The following TWF1 variants were observed in gnomAD, a reference collection of about 807,000 sequenced individuals.
The protein encoded by TWF1 is twinfilin-1.
A neutral mutation model predicts 47.9 loss-of-function variants in TWF1; 14 were observed. The observed-to-expected ratio is 0.29, with a 90% CI of 0.19 to 0.46. The LOEUF (loss-of-function observed/expected upper bound fraction) is 0.46. Among genes scored for constraint, TWF1 ranks in the 20% least tolerant of loss-of-function variants. The pLI, the probability that TWF1 is intolerant of heterozygous loss-of-function variation, is 1.00. For missense variants in TWF1, 281 were observed against 409.3 expected (o/e 0.69, Z 2.70); for synonymous variants, 96 against 139.2 (o/e 0.69, Z 2.18).
chr12:43,805,200 A>G (rs745846947), intron 1 of TWF1, among the ~76,000 whole-genome samples: 3 of 152,224 alleles, frequency 2.0e-5, no homozygotes, highest in South Asian at 2.1e-4. Context: ...TGTGTTGTCT[A>G]TTAGCAGCAA....
At position 43,795,739 on chromosome 12, in the gene TWF1, C is replaced by T; in HGVS notation, c.899G>A (p.Gly300Glu). Residue 300 changes from glycine to glutamate, a missense_variant, in exon 9 of 9, where the codon GGG becomes GAG. Transcript: ENST00000395510. ...AAGGAAGTCTGCAGTCAACTCATCC[C>T]CATTGTCTATCTCGATCTGTAAAAG... ...DVIRKIEIDNGDELTADFLYE... is the reference protein window; with the variant it reads ...DVIRKIEIDNEDELTADFLYE... 1 of 1,613,734 alleles carries T rather than the reference C, an allele frequency of 6.2e-7. No individual in the cohort carries two copies. Among genetic ancestry groups the T allele is most frequent in the Non-Finnish European group, 8.5e-7 (1 of 1,179,788 alleles).
In TWF1 at chr12:43,795,565, C is replaced by A. The variant is rs1942533745; in HGVS notation, c.*20G>T. On this transcript the variant is annotated 3_prime_UTR_variant, in exon 9 of 9. Coordinates refer to ENST00000395510, the MANE Select transcript of TWF1 (RefSeq NM_002822.5). ...CTGGACTTTTAAAAAACTAGTATTA[C>A]AATGTTTAATGTGATGACTTTAATC... 3 of 1,603,746 alleles carry A rather than the reference C, an allele frequency of 1.9e-6. No homozygotes were observed. The highest frequency in any genetic ancestry group is 1.3e-5 in the African/African-American group (1 of 74,340).
chr12:43,798,104 A>G (rs1942588747), intron 5 of TWF1, among the ~76,000 whole-genome samples: 1 of 152,124 alleles, frequency 6.6e-6, no homozygotes, highest in South Asian at 2.1e-4. Context: ...GGTTTGGCAC[A>G]ATTTCTTTAG....
At chr12:43,797,951 A>T (rs1193469205) in intron 5 of TWF1, 118 bp from the exon 6 acceptor site, 4 of 1,080,270 alleles carry the variant, frequency 3.7e-6, no homozygotes, top group Non-Finnish European at 5.2e-6. Context: ...CTATAATTAA[A>T]ATTATTTTTC....
chr12:43,806,127 G>C lies in TWF1; in HGVS notation c.25+94C>G, dbSNP rs746586860. The C allele has an allele frequency of 2.6e-6, 4 of 1,527,066 alleles. No homozygotes were observed. The African/African-American group carries it at 4.1e-5, about 16-fold the overall frequency. The allele number at this position is 1,527,066 out of a possible 1,614,324, so 94.6% of individuals were successfully genotyped here. A position where few individuals can be genotyped will look rare whatever the true frequency, so the allele number is the denominator to read the frequency against. ...CGCGAGACCGACTTCCGGAGCTCCCGGCCCGACTCCAGCCCTGCCGGTCCT... is the reference window on the plus strand; with the variant it reads ...CGCGAGACCGACTTCCGGAGCTCCCCGCCCGACTCCAGCCCTGCCGGTCCT... On this transcript the variant is annotated intron_variant, in intron 1 of 8. Transcript: ENST00000395510.
chr12:43,805,453 T>C (rs1238366073), intron 1 of TWF1: 5 of 434,006 alleles, frequency 1.2e-5, no homozygotes, highest in Non-Finnish European at 2.3e-5. Flanking sequence ...AGCTTGAGTT[T>C]ACACTAGAAC....
chr12:43,795,461 G>A lies in TWF1; in HGVS notation c.*124C>T, dbSNP rs1942531835. ...TTTTAAAAACACACAGAAGTGAAAA[G>A]TGCTATTTTCCAAAAAGTACAATTT... On this transcript the variant is annotated 3_prime_UTR_variant, in exon 9 of 9. Transcript: ENST00000395510. 1 of 787,098 alleles carries A rather than the reference G, an allele frequency of 1.3e-6. No homozygotes were observed. Among genetic ancestry groups the A allele is most frequent in the African/African-American group, 1.7e-5 (1 of 57,596 alleles). 48.8% of individuals were successfully genotyped at this position (787,098 alleles called of 1,614,324 possible). A position where few individuals can be genotyped will look rare whatever the true frequency, so the allele number is the denominator to read the frequency against.
intron 3 of TWF1, among the ~76,000 whole-genome samples, 181 bp from the exon 4 acceptor site, chr12:43,800,711 A>T (rs938091536): frequency 6.6e-6 from 1 of 152,202 alleles, no homozygotes; most frequent in African/African-American, 2.4e-5. Flanking sequence ...GGGCATCTAA[A>T]CTATCAATGG....
At chr12:43,797,581 C>T (rs2138131372) in intron 6 of TWF1, 127 bp downstream of exon 6, 10 of 1,417,954 alleles carry the variant, frequency 7.1e-6, no homozygotes, top group Non-Finnish European at 9.5e-6. Flanking sequence ...TCACAATGAA[C>T]ATTTACAAAA....
chr12:43,797,796 G>A lies in TWF1; in HGVS notation c.521C>T (p.Thr174Ile). ...AATGGGAAATGCTACTCCTTGTAGT[G>A]TTTGATGCTTAGTGTCCACACCCAC... ...TDVGVDTKHQ[T>I]LQGVAFPISR... The change falls in exon 6 of 9, where the codon ACA (threonine) becomes ATA (isoleucine). Residue 174 changes from threonine to isoleucine, a missense_variant. Thr to Ile is a moderately conservative substitution (Grantham distance 89). Coordinates refer to ENST00000395510, the MANE Select transcript of TWF1 (RefSeq NM_002822.5). 1 of 1,613,302 alleles carries A rather than the reference G, an allele frequency of 6.2e-7. No individual in the cohort carries two copies. The highest frequency in any genetic ancestry group is 8.5e-7 in the Non-Finnish European group (1 of 1,179,440).
chr12:43,799,407 T>C lies in TWF1; in HGVS notation c.474A>G (p.Lys158=). ...TAAEEELRQI[K]INEVQTDVGV... ...TGTAGTTGTAACTTACCTCATTGAT[T>C]TTAATCTGTCGTAGTTCTTCCTCAG... Residue 158 remains lysine (K), a synonymous_variant, in exon 5 of 9, where the codon AAA becomes AAG. Coordinates refer to ENST00000395510, the MANE Select transcript of TWF1 (RefSeq NM_002822.5). 6.2e-7 allele frequency: 1 copy of C among 1,604,006 alleles called. No individual in the cohort carries two copies. Among genetic ancestry groups the C allele is most frequent in the Non-Finnish European group, 8.5e-7 (1 of 1,174,834 alleles).
intron 3 of TWF1, among the ~76,000 whole-genome samples, chr12:43,801,845 C>T (rs1942667341): frequency 6.6e-6 from 1 of 152,108 alleles, no homozygotes; most frequent in African/African-American, 2.4e-5. Context: ...GCCTGGGCAA[C>T]ACAGTGAAAC....
In TWF1 at chr12:43,803,868, G is replaced by C. The variant is rs200647713; in HGVS notation, c.103+627C>G. The stretch of plus-strand genomic sequence containing the variant: ...CAGATATTTAAGAAATTAGGCCACT[G>C]GAATATTTTAATATATTCATTTATG... On this transcript the variant is annotated intron_variant, in intron 2 of 8. Coordinates refer to ENST00000395510, the MANE Select transcript of TWF1 (RefSeq NM_002822.5). 2.0e-5 allele frequency among the ~76,000 whole-genome samples: 3 copies of C among 151,920 alleles called. No individual in the cohort carries two copies. The East Asian group carries it at 5.8e-4, about 29-fold the overall frequency.
intron 4 of TWF1, among the ~76,000 whole-genome samples, chr12:43,800,117 TAAAC>T (rs1042900154): frequency 2.6e-5 from 4 of 152,248 alleles, no homozygotes; most frequent in African/African-American, 9.6e-5. Flanking sequence ...AGAAAAGCTC[TAAAC>T]AAACAAAAAA....
In TWF1 at chr12:43,795,417, G is replaced by A. The variant is rs1468134917; in HGVS notation, c.*168C>T. The A allele has an allele frequency of 7.2e-6, 4 of 553,868 alleles. No individual in the cohort carries two copies. In the East Asian group the frequency reaches 1.1e-4, roughly 16 times the overall value. The allele number at this position is 553,868 out of a possible 1,614,324, so 34.3% of individuals were successfully genotyped here. ...GCTTTAACTCAAAAATAGAAATCAT[G>A]AGTCTTCTATAACATTAATTTTAAA... is the stretch of plus-strand genomic sequence containing the variant. On this transcript the variant is annotated 3_prime_UTR_variant, in exon 9 of 9. Transcript: ENST00000395510.
At chr12:43,806,047 G>T (rs1942760894) in intron 1 of TWF1, 174 bp downstream of exon 1, 4 of 1,518,822 alleles carry the variant, frequency 2.6e-6, no homozygotes, top group Non-Finnish European at 3.5e-6. Flanking sequence ...GAGGACGCAG[G>T]CCGGCAGCGC....
rs79235900 is a variant in TWF1 at position 43,804,586 on chromosome 12, T to C, written c.26-14A>G. Reference sequence around the variant, plus strand: ...CATCTTCACTTGCTGTGGAAAAAGATAAAGAAAGTAAACTTTTTATACTTA... The same window carrying C: ...CATCTTCACTTGCTGTGGAAAAAGACAAAGAAAGTAAACTTTTTATACTTA... On this transcript the variant is annotated splice_polypyrimidine_tract_variant and intron_variant, in intron 1 of 8. Coordinates refer to ENST00000395510, the MANE Select transcript of TWF1 (RefSeq NM_002822.5). 2,879 of 1,566,094 alleles carry C rather than the reference T, an allele frequency of 1.8e-3. 50 individuals are homozygous for C. In the African/African-American group the frequency reaches 0.03, roughly 16 times the overall value.
rs1592274790 is a variant in TWF1 at position 43,793,785 on chromosome 12, T to C, written c.*1800A>G. ...CTTATAAAATGTCCACCAGAAGGCA[T>C]GTAATTCTTCACTGCTATATAAATT... On this transcript the variant is annotated 3_prime_UTR_variant, in exon 9 of 9. Coordinates refer to ENST00000395510, the MANE Select transcript of TWF1 (RefSeq NM_002822.5). 2 of 152,782 alleles carry C rather than the reference T, an allele frequency of 1.3e-5. No homozygotes were observed. The highest frequency in any genetic ancestry group is 4.1e-4 in the South Asian group (2 of 4,826). 9.5% of individuals were successfully genotyped at this position (152,782 alleles called of 1,614,324 possible).
intron 5 of TWF1, 79 bp downstream of exon 5, chr12:43,799,319 T>C: frequency 1.1e-6 from 1 of 904,340 alleles, no homozygotes. Context: ...TCTCTAGTTA[T>C]CCTCCCACAT....
Sources: gnomAD v4.1 joint callset for allele counts (sites outside exome capture counted in the v4.1 genomes callset) on GRCh38, gnomAD v4.1.1 for gene constraint, MANE v1.5 for transcripts, NCBI Gene and HGNC (gene_info 2026-07-23, HGNC 2026-07-21) for gene names.